ERI1: variants seen among roughly 807,000 people sequenced by gnomAD.
The protein encoded by ERI1 is 3'-5' exoribonuclease 1.
A neutral mutation model predicts 39.7 loss-of-function variants in ERI1; 39 were observed. That is an observed-to-expected ratio of 0.98 (90% CI 0.76 to 1.28). The LOEUF is 1.28. ERI1 is among the 50% of genes most tolerant of loss of function. The pLI, the probability that ERI1 is intolerant of heterozygous loss-of-function variation, is 0.00. For synonymous variants in ERI1, 204 were observed against 149.6 expected (o/e 1.36, Z -2.65); for missense variants, 581 against 416.9 (o/e 1.39, Z -3.43).
Position 9,030,793 on chromosome 8 carries a change from T to G in ERI1, c.*759T>G, listed in dbSNP as rs1797535029. On this transcript the variant is annotated 3_prime_UTR_variant, in exon 7 of 7. Coordinates refer to ENST00000250263, the MANE Select transcript of ERI1 (RefSeq NM_153332.4). The stretch of plus-strand genomic sequence containing the variant: ...TTTTGACATATGTATGCCTTAATTC[T>G]TAAATCTGAGGGACCATGCTTTGAA... 1 of 152,190 alleles carries G rather than the reference T, an allele frequency of 6.6e-6. No individual in the cohort carries two copies. The highest frequency in any genetic ancestry group is 6.5e-5 in the Admixed American group (1 of 15,280). 9.4% of individuals were successfully genotyped at this position (152,190 alleles called of 1,614,324 possible). A position where few individuals can be genotyped will look rare whatever the true frequency, so the allele number is the denominator to read the frequency against.
chr8:9,063,298 C>T (rs971834630), intron 3 of ERI1, among the ~76,000 whole-genome samples: 6 of 152,136 alleles, frequency 3.9e-5, no homozygotes, highest in African/African-American at 1.4e-4. Flanking sequence ...AGAGCCTAAA[C>T]ACTAACTGAT....
At chr8:9,070,098 G>A (rs562688036) in intron 3 of ERI1, among the ~76,000 whole-genome samples, 41 of 152,156 alleles carry the variant, frequency 2.7e-4, no homozygotes, top group African/African-American at 9.6e-4. Context: ...AACTAGCTGG[G>A]CTTGGTGGCA....
chr8:9,067,534 T>G (rs1397694656), intron 3 of ERI1, among the ~76,000 whole-genome samples: 2 of 151,904 alleles, frequency 1.3e-5, no homozygotes, highest in Non-Finnish European at 2.9e-5. Context: ...ATACACCTAT[T>G]GTCCTAGCTA....
chr8:9,021,769 TTTTTG>T (rs1233086882), intron 6 of ERI1, among the ~76,000 whole-genome samples: 73 of 82,240 alleles, frequency 8.9e-4, no homozygotes, highest in African/African-American at 2.9e-3. Flanking sequence ...TTATTTGTTT[TTTTTG>T]TTTTTTTTTT....
chr8:9,007,985 A>C lies in ERI1; in HGVS notation c.124A>C (p.Lys42Gln), dbSNP rs1290741533. The C allele has an allele frequency of 1.4e-5, 19 of 1,321,954 alleles. No homozygotes were observed. The highest frequency in any genetic ancestry group is 1.9e-5 in the Non-Finnish European group (19 of 982,524). The allele number at this position is 1,321,954 out of a possible 1,614,324, so 81.9% of individuals were successfully genotyped here. A position where few individuals can be genotyped will look rare whatever the true frequency, so the allele number is the denominator to read the frequency against. ...RPSPEETQQC[K>Q]FDGQETKGSK... ...TTTTTGGTAGGAAACTCAACAGTGTAAATTTGATGGCCAGGAGACAAAAGG... is the reference window on the plus strand; with the variant it reads ...TTTTTGGTAGGAAACTCAACAGTGTCAATTTGATGGCCAGGAGACAAAAGG... Residue 42 changes from lysine to glutamine, a missense_variant, in exon 2 of 7, where the codon AAA becomes CAA. Transcript: ENST00000250263.
chr8:9,005,584 G>C (rs1456427800), intron 1 of ERI1, among the ~76,000 whole-genome samples: 1 of 147,114 alleles, frequency 6.8e-6, no homozygotes, highest in African/African-American at 2.5e-5. Context: ...GCTCAGTCTC[G>C]GCTCGCTGCA....
chr8:9,041,683 A>G (rs1265922290), intron 3 of ERI1, among the ~76,000 whole-genome samples: 1 of 152,194 alleles, frequency 6.6e-6, no homozygotes. Context: ...CCTAGCAAAA[A>G]CAGTATTGAG....
chr8:9,046,641 CA>C (rs1798183169), intron 3 of ERI1, among the ~76,000 whole-genome samples: 1 of 152,240 alleles, frequency 6.6e-6, no homozygotes, highest in African/African-American at 2.4e-5. Context: ...TCTCCCCAAA[CA>C]ACTCTGGAAA....
chr8:9,037,803 C>T (rs1175541475), downstream of ERI1, among the ~76,000 whole-genome samples: 2 of 150,940 alleles, frequency 1.3e-5, no homozygotes, highest in African/African-American at 2.4e-5. Flanking sequence ...TAATCCCTGT[C>T]TATGCTTGAC....
chr8:9,052,739 C>T (rs1484480589), intron 3 of ERI1, among the ~76,000 whole-genome samples: 1 of 152,174 alleles, frequency 6.6e-6, no homozygotes, highest in Non-Finnish European at 1.5e-5. Flanking sequence ...TCCCTGACTC[C>T]TGGCACTGAG....
chr8:9,030,000 C>G lies in ERI1; in HGVS notation c.1016C>G (p.Thr339Ser), dbSNP rs1179270376. The part of the protein sequence containing the change: ...SVSSSLPIEG[T>S]PPPQMPHFRK Reference sequence around the variant, plus strand: ...TCCTCTTCCTTACCAATAGAGGGCACTCCACCACCACAAATGCCACATTTT... The same window carrying G: ...TCCTCTTCCTTACCAATAGAGGGCAGTCCACCACCACAAATGCCACATTTT... The change falls in exon 7 of 7, where the codon ACT becomes AGT. Residue 339 changes from threonine (T) to serine (S), a missense_variant. Thr to Ser is a moderately conservative substitution (Grantham distance 58, BLOSUM62 1). Transcript: ENST00000250263. 6.2e-7 allele frequency: 1 copy of G among 1,611,240 alleles called. No homozygotes were observed. The highest frequency in any genetic ancestry group is 8.5e-7 in the Non-Finnish European group (1 of 1,179,272).
At chr8:9,025,835 A>G (rs1456516290) in intron 6 of ERI1, among the ~76,000 whole-genome samples, 1 of 152,106 alleles carries the variant, frequency 6.6e-6, no homozygotes, top group Non-Finnish European at 1.5e-5. Flanking sequence ...ATTTGCATAT[A>G]CATAATGAGA....
chr8:9,067,711 T>C (rs1000701898), intron 3 of ERI1, among the ~76,000 whole-genome samples: 3 of 150,332 alleles, frequency 2.0e-5, no homozygotes, highest in Non-Finnish European at 4.4e-5. Context: ...GCCTTACAGA[T>C]GATCCAGTCC....
chr8:9,032,342 C>A lies in ERI1; in HGVS notation c.*2308C>A, dbSNP rs188892391. 1 of 152,294 alleles carries A rather than the reference C, an allele frequency of 6.6e-6. No homozygotes were observed. The highest frequency in any genetic ancestry group is 1.9e-4 in the East Asian group (1 of 5,188). The allele number at this position is 152,294 out of a possible 1,614,324, so 9.4% of individuals were successfully genotyped here. A position where few individuals can be genotyped will look rare whatever the true frequency, so the allele number is the denominator to read the frequency against. ...CTGTGTTAACTTTTATTCTATGCTTCATATGCTCTGACATTGACATAGTGG... is the reference window on the plus strand; with the variant it reads ...CTGTGTTAACTTTTATTCTATGCTTAATATGCTCTGACATTGACATAGTGG... On this transcript the variant is annotated 3_prime_UTR_variant, in exon 7 of 7. Coordinates refer to ENST00000250263, the MANE Select transcript of ERI1 (RefSeq NM_153332.4).
intron 3 of ERI1, among the ~76,000 whole-genome samples, chr8:9,068,681 T>C (rs1798959402): frequency 6.6e-6 from 1 of 152,220 alleles, no homozygotes; most frequent in Admixed American, 6.5e-5. Context: ...TCTTTCTTTA[T>C]CTGTGTACAT....
rs1469676958 is a variant in ERI1, at chr8:9,008,153, T to A, written c.287+5T>A. The A allele has an allele frequency of 6.4e-7, 1 of 1,561,322 alleles. No individual in the cohort carries two copies. Among genetic ancestry groups the A allele is most frequent in the African/African-American group, 1.4e-5 (1 of 72,150 alleles). On this transcript the variant is annotated splice_donor_5th_base_variant and intron_variant, in intron 2 of 6. Coordinates refer to ENST00000250263, the MANE Select transcript of ERI1 (RefSeq NM_153332.4). ...AGAATTCAAGCTTGAAACTAGGTAA[T>A]TAAAAATAACTTATAAAATTATAAA...
At chr8:9,005,570 A>G (rs1815909298) in intron 1 of ERI1, among the ~76,000 whole-genome samples, 1 of 144,802 alleles carries the variant, frequency 6.9e-6, no homozygotes, top group African/African-American at 2.6e-5. Flanking sequence ...GCTGGAGTGC[A>G]GCGGCTCAGT....
rs976213118 is a variant in ERI1 at position 9,032,957 on chromosome 8, A to T, written c.*2923A>T. The T allele has an allele frequency of 6.6e-6, 1 of 152,204 alleles. No individual in the cohort carries two copies. The highest frequency in any genetic ancestry group is 1.5e-5 in the Non-Finnish European group (1 of 68,036). 9.4% of individuals were successfully genotyped at this position (152,204 alleles called of 1,614,324 possible). On this transcript the variant is annotated 3_prime_UTR_variant, in exon 7 of 7. Transcript: ENST00000250263. ...CATGGAGAAGTATATGCTCCTCGAG[A>T]CCAGAGACTGTGACTTCTGCATCTT...
At chr8:9,026,358 A>C (rs1399146858) in intron 6 of ERI1, among the ~76,000 whole-genome samples, 1 of 152,152 alleles carries the variant, frequency 6.6e-6, no homozygotes, top group Non-Finnish European at 1.5e-5. Flanking sequence ...GAACTCTCAT[A>C]TTCCAAAAGT....
Sources: allele counts gnomAD v4.1 joint callset (sites outside exome capture counted in the v4.1 genomes callset), GRCh38; gene constraint gnomAD v4.1.1; transcripts MANE v1.5; gene names NCBI Gene and HGNC (gene_info 2026-07-23, HGNC 2026-07-21).